EPN2: variants seen among roughly 807,000 people sequenced by gnomAD.
EPN2 encodes the protein epsin-2.
EPN2 carries 34 observed loss-of-function variants against 61.7 expected under a neutral mutation model. That is an observed-to-expected ratio of 0.55 (90% CI 0.42 to 0.73). EPN2 has a LOEUF of 0.73. Among genes scored for constraint, EPN2 ranks in the 30% least tolerant of loss-of-function variants. The pLI is 0.00. For missense variants in EPN2, 714 were observed against 839.2 expected, an observed-to-expected ratio of 0.85 and a Z score of 1.84; for synonymous variants, 349 against 353.6, an observed-to-expected ratio of 0.99 and a Z score of 0.15.
chr17:19,289,938 C>G (rs753803865), intron 4 of EPN2, among the ~76,000 whole-genome samples: 31 of 151,814 alleles, frequency 2.0e-4, no homozygotes, highest in Non-Finnish European at 3.8e-4. Context: ...TTGGCCAGGT[C>G]TTGAACCCCT....
At chr17:19,250,246 G>A (rs1023496128) in intron 1 of EPN2, among the ~76,000 whole-genome samples, 1 of 151,842 alleles carries the variant, frequency 6.6e-6, no homozygotes, top group Non-Finnish European at 1.5e-5. Context: ...AGGTGTGCGC[G>A]ACCATGCCTG....
intron 1 of EPN2, among the ~76,000 whole-genome samples, chr17:19,238,357 G>T (rs1031164267): frequency 1.8e-4 from 28 of 152,214 alleles, no homozygotes; most frequent in African/African-American, 6.8e-4. Context: ...GCCTTTGCTA[G>T]AGGAGTCGGT....
intron 4 of EPN2, among the ~76,000 whole-genome samples, chr17:19,286,162 G>A (rs897499200): frequency 4.6e-5 from 7 of 152,174 alleles, no homozygotes; most frequent in African/African-American, 1.4e-4. Context: ...TTGTTGGACC[G>A]GAAATGTGTG....
At position 19,285,508 on chromosome 17, in the gene EPN2, T is replaced by G; in HGVS notation, c.596-112T>G. ...GGGCTTTTCACAGCTTCCACCGCAGTGGGCTGCGGGGTTGACCCCGAGTGG... is the reference window on the plus strand; with the variant it reads ...GGGCTTTTCACAGCTTCCACCGCAGGGGGCTGCGGGGTTGACCCCGAGTGG... On this transcript the variant is annotated intron_variant, in intron 3 of 10. Coordinates refer to ENST00000314728, the MANE Select transcript of EPN2 (RefSeq NM_014964.5). This position sits in a 1 kb window ranked among gnomAD's most constrained non-coding sequence, Gnocchi z 4.5. The G allele has an allele frequency of 5.2e-6, 7 of 1,340,228 alleles. No individual in the cohort carries two copies. Among genetic ancestry groups the G allele is most frequent in the Non-Finnish European group, 6.7e-6 (7 of 1,043,070 alleles). 83.0% of individuals were successfully genotyped at this position (1,340,228 alleles called of 1,614,324 possible).
intron 1 of EPN2, among the ~76,000 whole-genome samples, chr17:19,268,931 T>A (rs2045227703): frequency 6.6e-6 from 1 of 152,138 alleles, no homozygotes; most frequent in Non-Finnish European, 1.5e-5. Context: ...TGTTCTTTTT[T>A]AAAAAGTGAG....
intron 7 of EPN2, among the ~76,000 whole-genome samples, chr17:19,321,892 T>C (rs1164173029): frequency 6.6e-6 from 1 of 152,128 alleles, no homozygotes; most frequent in Non-Finnish European, 1.5e-5. Flanking sequence ...GTCAGCTCTC[T>C]CCCTGATTTG....
rs1907175218 is a variant in EPN2 at position 19,331,906 on chromosome 17, C to T, written c.1465C>T (p.Pro489Ser). The change falls in exon 10 of 11, where the codon CCC becomes TCC. Residue 489 changes from proline (P) to serine (S), a missense_variant. This residue lies in a region of EPN2 where 410 missense variants were observed against 421.8 expected (regional missense o/e 0.97). Transcript: ENST00000314728. Reference protein sequence around the residue: ...SQNNGTTSPDPFESQPLTVAS... With the variant: ...SQNNGTTSPDSFESQPLTVAS... ...AAACAATGGAACTACCAGCCCTGAC[C>T]CCTTTGAGTCTCAACCCCTGACTGT... is the stretch of plus-strand genomic sequence containing the variant. The T allele has an allele frequency of 6.2e-7, 1 of 1,614,006 alleles. No individual in the cohort carries two copies. The highest frequency in any genetic ancestry group is 1.7e-5 in the Admixed American group (1 of 60,000).
At chr17:19,321,698 C>T (rs989748732) in intron 7 of EPN2, among the ~76,000 whole-genome samples, 4 of 146,028 alleles carry the variant, frequency 2.7e-5, no homozygotes, top group East Asian at 5.9e-4. Flanking sequence ...GCAGGGAAAG[C>T]GAGGCTCCAG....
At chr17:19,319,115 T>C (rs1361443372) in intron 7 of EPN2, among the ~76,000 whole-genome samples, 2 of 151,680 alleles carry the variant, frequency 1.3e-5, no homozygotes, top group Non-Finnish European at 2.9e-5. Flanking sequence ...TGAGAATCGC[T>C]TGAACCCGGG....
intron 1 of EPN2, among the ~76,000 whole-genome samples, chr17:19,247,346 T>A (rs1265461806): frequency 1.3e-5 from 2 of 152,126 alleles, no homozygotes; most frequent in Admixed American, 6.5e-5. Context: ...AAGTTACTAT[T>A]TGTGAGACAG....
intron 1 of EPN2, among the ~76,000 whole-genome samples, chr17:19,264,926 C>T (rs1285822569): frequency 3.3e-5 from 5 of 151,746 alleles, no homozygotes; most frequent in African/African-American, 9.7e-5. Flanking sequence ...GAAGCCCAGG[C>T]GAGCTCCAAG....
chr17:19,302,266 A>C (rs1200239754), intron 4 of EPN2, among the ~76,000 whole-genome samples: 3 of 152,184 alleles, frequency 2.0e-5, no homozygotes, highest in African/African-American at 7.2e-5. Context: ...TTCGTTCCCC[A>C]CAACAACCCT....
chr17:19,295,090 A>C (rs1408739414), intron 4 of EPN2, among the ~76,000 whole-genome samples: 2 of 152,074 alleles, frequency 1.3e-5, no homozygotes, highest in Non-Finnish European at 2.9e-5. Flanking sequence ...AGTCTTTTTC[A>C]CTACCTGAAA....
rs2045379832 is a variant in EPN2 at position 19,283,724 on chromosome 17, G to A, written c.595+10G>A. 1 of 1,559,838 alleles carries A rather than the reference G, an allele frequency of 6.4e-7. No homozygotes were observed. Among genetic ancestry groups the A allele is most frequent in the Admixed American group, 1.9e-5 (1 of 51,654 alleles). ...GCCTCCTACCATGGCTGTGAGTAAT[G>A]GAAGTGCTTCTCACCCTTTGCCAGA... On this transcript the variant is annotated intron_variant, in intron 3 of 10. Coordinates refer to ENST00000314728, the MANE Select transcript of EPN2 (RefSeq NM_014964.5). This position sits in a 1 kb window ranked among gnomAD's most constrained non-coding sequence, Gnocchi z 7.0.
intron 4 of EPN2, among the ~76,000 whole-genome samples, chr17:19,301,561 AG>A (rs1461541951): frequency 6.6e-6 from 1 of 152,180 alleles, no homozygotes; most frequent in Non-Finnish European, 1.5e-5. Flanking sequence ...AGACCAGTCA[AG>A]TGGCATCACT....
In EPN2 at chr17:19,312,072, T is replaced by G. The variant is rs1222956069; in HGVS notation, c.900T>G (p.Gly300=). The G allele has an allele frequency of 6.2e-7, 1 of 1,613,868 alleles. No homozygotes were observed. Among genetic ancestry groups the G allele is most frequent in the East Asian group, 2.2e-5 (1 of 44,878 alleles). The change falls in exon 6 of 11, where the codon GGT becomes GGG. Residue 300 remains glycine, a synonymous_variant. Coordinates refer to ENST00000314728, the MANE Select transcript of EPN2 (RefSeq NM_014964.5). ...VAEQEERLRR[G]DDLRLQMALE... ...TACAGGAAGAACGCCTCAGGCGGGG[T>G]GATGACCTCAGATTACAGATGGCCC...
At chr17:19,239,746 A>C (rs1219254461) in intron 1 of EPN2, among the ~76,000 whole-genome samples, 1 of 152,360 alleles carries the variant, frequency 6.6e-6, no homozygotes, top group Middle Eastern at 3.4e-3. Context: ...TGAGCTGGCC[A>C]GATGGAGAGC....
chr17:19,249,462 T>C (rs1354253353), intron 1 of EPN2: 1 of 152,194 alleles, frequency 6.6e-6, no homozygotes, highest in Non-Finnish European at 1.5e-5. Context: ...GGAATAGAAC[T>C]CCTTTCAGTT....
intron 1 of EPN2, among the ~76,000 whole-genome samples, chr17:19,244,928 A>G (rs2044928152): frequency 6.6e-6 from 1 of 152,102 alleles, no homozygotes; most frequent in Admixed American, 6.5e-5. Flanking sequence ...GAACTGCTTT[A>G]TTTCCACGAC....
Sources: gnomAD v4.1 joint callset for allele counts (sites outside exome capture counted in the v4.1 genomes callset) on GRCh38, gnomAD v4.1.1 for gene constraint, gnomAD v4.1.1 regional missense constraint, Gnocchi (gnomAD v3.1) non-coding constraint, MANE v1.5 for transcripts, NCBI Gene and HGNC (gene_info 2026-07-23, HGNC 2026-07-21) for gene names.